RBMX: variants seen among roughly 807,000 people sequenced by gnomAD.
RBMX encodes RNA-binding motif protein, X chromosome.
A neutral mutation model predicts 29.3 loss-of-function variants in RBMX; 1 was observed. The observed-to-expected ratio is 0.03, with a 90% confidence interval of 0.01 to 0.16. The LOEUF is 0.16. RBMX is among the 10% of genes least tolerant of loss of function. RBMX has a pLI of 1.00. For synonymous variants in RBMX, 102 were observed against 102.3 expected, an observed-to-expected ratio of 1.00 and a Z score of 0.02; for missense variants, 121 against 333.2, an observed-to-expected ratio of 0.36 and a Z score of 4.96.
chrX:136,872,432 A>G (rs1028623568), downstream of RBMX: 29 of 801,438 alleles, frequency 3.6e-5, no homozygotes, highest in Non-Finnish European at 4.0e-5. Flanking sequence ...TTTTCCAGAA[A>G]GAAAAGGCAA....
At position 136,876,776 on chromosome X, in the gene RBMX, C is replaced by T. The variant is rs925766408; in HGVS notation, c.389-121G>A. 2.4e-5 allele frequency: 12 copies of T among 505,379 alleles called. No individual in the cohort carries two copies. In the Admixed American group the frequency reaches 3.4e-4, roughly 14 times the overall value. 41.6% of individuals were successfully genotyped at this position (505,379 alleles called of 1,213,427 possible). A position where few individuals can be genotyped will look rare whatever the true frequency, so the allele number is the denominator to read the frequency against. ...AGGCTGGAGTGCAGTGGCTTCATCT[C>T]GGCTCACTGCAACCTCTGCCTCCTG... On this transcript the variant is annotated intron_variant, in intron 4 of 8. Transcript: ENST00000320676.
chrX:136,878,146 A>G, intron 3 of RBMX, 60 bp from the exon 4 acceptor site: 4 of 990,764 alleles, frequency 4.0e-6, no homozygotes, highest in Non-Finnish European at 5.4e-6. Flanking sequence ...CACATCTACT[A>G]TGCACTAAGA....
At chrX:136,880,010 A>G (rs1569441602) in intron 1 of RBMX, among the ~76,000 whole-genome samples, 1 of 112,280 alleles carries the variant, frequency 8.9e-6, no homozygotes. Context: ...AGATAAAAAC[A>G]AATCGTCAAC....
In RBMX at chrX:136,877,940, T is replaced by C. The variant is rs765540865; in HGVS notation, c.363A>G (p.Gly121=). Residue 121 remains glycine (G), a synonymous_variant, in exon 4 of 9, where the codon GGA becomes GGG. Coordinates refer to ENST00000320676, the MANE Select transcript of RBMX (RefSeq NM_002139.4). ...GGRGGSGGTR[G]PPSRGGHMDD... ...CCATGTGTCCTCCCCGTGAGGGAGG[T>C]CCCCTGGTTCCTCCACTTCCTCCTC... 7 of 1,202,750 alleles carry C rather than the reference T, an allele frequency of 5.8e-6. No homozygotes were observed. Among genetic ancestry groups the C allele is most frequent in the Non-Finnish European group, 7.9e-6 (7 of 891,431 alleles).
At chrX:136,878,833 G>C (rs17341651) in intron 3 of RBMX, among the ~76,000 whole-genome samples, 184 bp downstream of exon 3, 21,710 of 108,639 alleles carry the variant, frequency 0.2, 2,018 homozygotes, top group East Asian at 0.44. Flanking sequence ...CTCACTACTA[G>C]ATTTGGTTCT....
downstream of RBMX, among the ~76,000 whole-genome samples, chrX:136,871,058 G>T (rs1186338108): frequency 9.2e-6 from 1 of 108,168 alleles, no homozygotes; most frequent in East Asian, 2.9e-4. Flanking sequence ...AGGTTGCAGT[G>T]AGCTGAGATC....
intron 3 of RBMX, 49 bp from the exon 4 acceptor site, chrX:136,878,135 G>A (rs780537213): frequency 1.5e-5 from 16 of 1,049,798 alleles, no homozygotes; most frequent in Non-Finnish European, 1.9e-5. Flanking sequence ...AAAATAATTT[G>A]CACATCTACT....
chrX:136,877,168 C>G (rs2077739045), intron 4 of RBMX, among the ~76,000 whole-genome samples: 1 of 108,786 alleles, frequency 9.2e-6, no homozygotes, highest in African/African-American at 3.3e-5. Context: ...AATCCTGTCT[C>G]TACTAAAAAT....
intron 8 of RBMX, 50 bp from the exon 9 acceptor site, chrX:136,874,502 T>C: frequency 3.5e-6 from 4 of 1,143,208 alleles, no homozygotes; most frequent in Non-Finnish European, 4.7e-6. Context: ...ATTGTATATA[T>C]ACAACATTTT....
In RBMX at chrX:136,875,260, A is replaced by G. The variant is rs184511527; in HGVS notation, c.780T>C (p.Tyr260=). 2 of 1,209,905 alleles carry G rather than the reference A, an allele frequency of 1.7e-6. No individual in the cohort carries two copies. Among genetic ancestry groups the G allele is most frequent in the African/African-American group, 1.7e-5 (1 of 57,328 alleles). The change falls in exon 7 of 9, where the codon TAT becomes TAC. Residue 260 remains tyrosine, a splice_region_variant and synonymous_variant. Coordinates refer to ENST00000320676, the MANE Select transcript of RBMX (RefSeq NM_002139.4). ...GCCACAGAAGCAAAGTCACTTACCT[A>G]TATCCTCTTGATGGATAGTCATCAC... ...SSRDDYPSRG[Y]SDRDGYGRDR...
rs1288969406 is a variant in RBMX at position 136,874,188 on chromosome X, C to T, written c.1130G>A (p.Arg377His). ...CCCTCTATCAGATCGGCTTCCTCCA[C>T]GGCCACCACCTCTTGGTGCTCCGCG... ...SSRGAPRGGG[R>H]GGSRSDRGGG... The change falls in exon 9 of 9, where the codon CGT becomes CAT. Residue 377 changes from arginine (R) to histidine (H), a missense_variant. Transcript: ENST00000320676. 2.5e-6 allele frequency: 3 copies of T among 1,212,174 alleles called. No individual in the cohort carries two copies. The highest frequency in any genetic ancestry group is 3.0e-5 in the East Asian group (1 of 33,862).
chrX:136,878,307 C>T (rs1305378371), intron 3 of RBMX, among the ~76,000 whole-genome samples: 1 of 111,007 alleles, frequency 9.0e-6, no homozygotes, highest in Non-Finnish European at 1.9e-5. Context: ...TGGATTGAAA[C>T]ATAAGGTGAA....
At chrX:136,871,707 T>C (rs1603365662), downstream of RBMX, among the ~76,000 whole-genome samples, 1 of 108,606 alleles carries the variant, frequency 9.2e-6, no homozygotes. Flanking sequence ...TGGAGTGCAA[T>C]GGCGTGATCT....
chrX:136,869,448 C>CTA (rs1386549179), downstream of RBMX: 4 of 111,770 alleles, frequency 3.6e-5, no homozygotes, highest in Non-Finnish European at 7.5e-5. Context: ...GGTACAATCT[C>CTA]TATATCCTAT....
At chrX:136,875,420 G>A (rs1302944827) in intron 6 of RBMX, 37 bp from the exon 7 acceptor site, 2 of 1,204,757 alleles carry the variant, frequency 1.7e-6, no homozygotes, top group African/African-American at 3.5e-5. Context: ...CTTTTGATAA[G>A]CTTTCCTTCA....
intron 8 of RBMX, 76 bp downstream of exon 8, chrX:136,875,008 CCA>C: frequency 8.4e-7 from 1 of 1,184,505 alleles, no homozygotes; most frequent in Non-Finnish European, 1.1e-6. Context: ...AAAGCAAGCA[CCA>C]CACAGCCTAA....
At position 136,876,487 on chromosome X, in the gene RBMX, T is replaced by A. The variant is rs768051275; in HGVS notation, c.541+16A>T. 2 of 1,162,059 alleles carry A rather than the reference T, an allele frequency of 1.7e-6. No individual in the cohort carries two copies. Among genetic ancestry groups the A allele is most frequent in the Non-Finnish European group, 2.3e-6 (2 of 874,239 alleles). On this transcript the variant is annotated intron_variant, in intron 5 of 8. Coordinates refer to ENST00000320676, the MANE Select transcript of RBMX (RefSeq NM_002139.4). ...GTTACGGTAGTAGCATAAATCATCA[T>A]ACATGGAACATTTACCTCTTCCTCC...
In RBMX at chrX:136,875,598, TATC is replaced by T. The variant is rs759380192; in HGVS notation, c.542-16_542-14del. ...CGTGATACAGGAGCTTAAGGAAAAA[TATC>T]ATTTTTTTAAACATAGCCAGAGAAA... On this transcript the variant is annotated splice_polypyrimidine_tract_variant and intron_variant, in intron 5 of 8. Transcript: ENST00000320676. The T allele has an allele frequency of 8.0e-5, 96 of 1,195,288 alleles. No homozygotes were observed. Among genetic ancestry groups the T allele is most frequent in the Non-Finnish European group, 9.5e-5 (85 of 890,940 alleles).
downstream of RBMX, among the ~76,000 whole-genome samples, chrX:136,870,887 A>G (rs1046308001): frequency 7.2e-4 from 78 of 108,186 alleles, no homozygotes; most frequent in Non-Finnish European, 1.2e-3. Context: ...CGGGCGGATC[A>G]CCTGAGGTTA....
Sources: gnomAD v4.1 joint callset for allele counts (sites outside exome capture counted in the v4.1 genomes callset) on GRCh38, gnomAD v4.1.1 for gene constraint, MANE v1.5 for transcripts, NCBI Gene and HGNC (gene_info 2026-07-23, HGNC 2026-07-21) for gene names.